GRID1: variants seen among roughly 807,000 people sequenced by gnomAD.
The protein encoded by GRID1 is glutamate ionotropic receptor delta type subunit 1.
Under a neutral mutation model 98.0 loss-of-function variants are expected in GRID1, and 28 were observed. That is an observed-to-expected ratio of 0.29 (90% CI 0.21 to 0.39). The LOEUF (loss-of-function observed/expected upper bound fraction) is 0.39. Among genes scored for constraint, GRID1 ranks in the 10% least tolerant of loss-of-function variants. The pLI, the probability that GRID1 is intolerant of heterozygous loss-of-function variation, is 1.00. For synonymous variants in GRID1, 553 were observed against 538.5 expected, an observed-to-expected ratio of 1.03 and a Z score of -0.37; for missense variants, 1,111 against 1,340.5, an observed-to-expected ratio of 0.83 and a Z score of 2.67.
intron 3 of GRID1, among the ~76,000 whole-genome samples, chr10:86,156,827 C>G (rs1439821601): frequency 2.0e-5 from 3 of 152,140 alleles, no homozygotes; most frequent in Non-Finnish European, 2.9e-5. Context: ...GAGGGATACC[C>G]TAAAGTTGTG....
chr10:85,708,540 A>ATCTTATTCTTTGTCACACC (rs1841549270), intron 12 of GRID1, among the ~76,000 whole-genome samples: 2 of 152,370 alleles, frequency 1.3e-5, no homozygotes, highest in South Asian at 4.1e-4. Context: ...TAGTAATCAA[A>ATCTTATTCTTTGTCACACC]AAGTGTCACA....
chr10:85,858,028 G>A (rs567141716), intron 6 of GRID1, among the ~76,000 whole-genome samples: 15 of 152,312 alleles, frequency 9.8e-5, no homozygotes, highest in South Asian at 8.3e-4. Context: ...CATCTGCCCC[G>A]TCATGCCTGT....
At chr10:86,320,697 A>G (rs1379502690) in intron 2 of GRID1, among the ~76,000 whole-genome samples, 8 of 152,242 alleles carry the variant, frequency 5.3e-5, no homozygotes, top group Admixed American at 5.2e-4. Context: ...ACATTTTAAC[A>G]AACACACACA....
rs542190703 is a variant in GRID1, at chr10:86,249,465, T to C, written c.236-42817A>G. Among the ~76,000 whole-genome samples the C allele has an allele frequency of 9.1e-4, 139 of 152,332 alleles. 1 individual carries two copies. The highest frequency in any genetic ancestry group is 1.1e-3 in the Non-Finnish European group (77 of 68,032). On this transcript the variant is annotated intron_variant, in intron 2 of 15. Coordinates refer to ENST00000327946, the MANE Select transcript of GRID1 (RefSeq NM_017551.3). ...CAAATCTACTTGAACACAGACCTGA[T>C]TGTGCCCCTAGCTTGGCCCTCAGAC...
At chr10:85,717,642 T>C (rs1841654765) in intron 12 of GRID1, among the ~76,000 whole-genome samples, 1 of 152,160 alleles carries the variant, frequency 6.6e-6, no homozygotes, top group Non-Finnish European at 1.5e-5. Flanking sequence ...CCTCCAAATG[T>C]CATGTCCTCA....
intron 2 of GRID1, among the ~76,000 whole-genome samples, chr10:86,255,164 C>T (rs539230827): frequency 3.9e-5 from 6 of 152,194 alleles, no homozygotes; most frequent in Admixed American, 1.3e-4. Context: ...TTAAGAAGGG[C>T]GTGCAAAGAA....
At position 86,128,904 on chromosome 10, in the gene GRID1, C is replaced by T. The variant is rs117777205; in HGVS notation, c.726+9915G>A. 7.2e-5 allele frequency among the ~76,000 whole-genome samples: 11 copies of T among 152,284 alleles called. No homozygotes were observed. In the East Asian group the frequency reaches 2.1e-3, roughly 29 times the overall value. On this transcript the variant is annotated intron_variant, in intron 4 of 15. Coordinates refer to ENST00000327946, the MANE Select transcript of GRID1 (RefSeq NM_017551.3). ...GTGAGAAAGGAAAAAGGAAAGCCTACACCCCAAAATACCCTGTACTTAGAA... is the reference window on the plus strand; with the variant it reads ...GTGAGAAAGGAAAAAGGAAAGCCTATACCCCAAAATACCCTGTACTTAGAA...
Position 86,235,505 on chromosome 10 carries a change from C to T in GRID1, c.236-28857G>A, listed in dbSNP as rs984883261. 3.3e-5 allele frequency among the ~76,000 whole-genome samples: 5 copies of T among 152,222 alleles called. No individual in the cohort carries two copies. In the East Asian group the frequency reaches 9.6e-4, roughly 29 times the overall value. ...CCCACTATCCAGTTTTACAATATTT[C>T]CATACACCCCAAAGGTCCCCTCATG... is the stretch of plus-strand genomic sequence containing the variant. On this transcript the variant is annotated intron_variant, in intron 2 of 15. Coordinates refer to ENST00000327946, the MANE Select transcript of GRID1 (RefSeq NM_017551.3).
At chr10:86,110,036 G>A (rs1042282658) in intron 4 of GRID1, among the ~76,000 whole-genome samples, 1 of 147,916 alleles carries the variant, frequency 6.8e-6, no homozygotes, top group South Asian at 2.1e-4. Context: ...GCAGTGGAGT[G>A]ATCTTGGCTC....
rs953076977 is a variant in GRID1 at position 86,366,692 on chromosome 10, G to T, written c.-300C>A. Among the ~76,000 whole-genome samples the T allele has an allele frequency of 1.3e-5, 2 of 149,570 alleles. No individual in the cohort carries two copies. Among genetic ancestry groups the T allele is most frequent in the African/African-American group, 4.9e-5 (2 of 41,196 alleles). On this transcript the variant is annotated 5_prime_UTR_variant, in exon 1 of 16. Transcript: ENST00000327946. This position sits in a 1 kb window ranked among gnomAD's most constrained non-coding sequence, Gnocchi z 4.1. ...CGGCTGTGGCAGCGGCGCTTCCCGC[G>T]GCTAGAGCGGCTTCGGGGGAGGCTG...
chr10:85,956,790 T>C (rs754569742), intron 4 of GRID1, among the ~76,000 whole-genome samples: 1 of 152,238 alleles, frequency 6.6e-6, no homozygotes, highest in Non-Finnish European at 1.5e-5. Flanking sequence ...CACTGGGCTC[T>C]TTAGTGCAAG....
intron 4 of GRID1, among the ~76,000 whole-genome samples, chr10:86,124,904 G>A (rs937458805): frequency 6.6e-6 from 1 of 152,178 alleles, no homozygotes; most frequent in African/African-American, 2.4e-5. Context: ...GTGATATGGG[G>A]AACTGGGCAG....
intron 4 of GRID1, among the ~76,000 whole-genome samples, chr10:86,066,836 G>A (rs190790686): frequency 1.2e-4 from 19 of 152,268 alleles, no homozygotes; most frequent in Non-Finnish European, 2.4e-4. Flanking sequence ...GTGGCAATGG[G>A]CTTAGATGGC....
intron 2 of GRID1, among the ~76,000 whole-genome samples, chr10:86,293,889 C>T (rs1434770149): frequency 6.6e-6 from 1 of 152,096 alleles, no homozygotes; most frequent in Non-Finnish European, 1.5e-5. Flanking sequence ...GGAGCTAAGG[C>T]TCTAGTAAAA....
intron 2 of GRID1, among the ~76,000 whole-genome samples, chr10:86,326,650 G>A (rs1164095231): frequency 6.6e-6 from 1 of 152,206 alleles, no homozygotes; most frequent in African/African-American, 2.4e-5. Context: ...GAGTACTGTT[G>A]GACCAAGCAA....
At chr10:86,156,501 C>G (rs1845247821) in intron 3 of GRID1, among the ~76,000 whole-genome samples, 1 of 152,156 alleles carries the variant, frequency 6.6e-6, no homozygotes, top group Non-Finnish European at 1.5e-5. Flanking sequence ...ATGGGGGAAG[C>G]TGGGGTGAGG....
chr10:85,861,650 C>A (rs1213552228), intron 6 of GRID1, among the ~76,000 whole-genome samples: 2 of 152,198 alleles, frequency 1.3e-5, no homozygotes, highest in Non-Finnish European at 2.9e-5. Context: ...GCTGGCTCAG[C>A]CACGGGAGCC....
rs1017588424 is a variant in GRID1, at chr10:85,856,090, C to T, written c.1052G>A (p.Cys351Tyr). ...RKWHSMASLN[C>Y]IRKSTKPWNG... ...CCATGGCTTAGTGGATTTCCGTATG[C>T]AGTTGAGGCTCGCCATGCTATGCCA... The change falls in exon 7 of 16, where the codon TGC (cysteine) becomes TAC (tyrosine). Residue 351 changes from cysteine (C) to tyrosine (Y), a missense_variant. Around this residue, in one of 3 missense-constraint regions of GRID1, gnomAD observed 762 missense variants for 869.1 expected, o/e 0.88. Coordinates refer to ENST00000327946, the MANE Select transcript of GRID1 (RefSeq NM_017551.3). The T allele has an allele frequency of 2.5e-6, 4 of 1,614,052 alleles. No homozygotes were observed. The African/African-American group carries it at 4.0e-5, about 16-fold the overall frequency.
chr10:86,106,540 T>C (rs1844389686), intron 4 of GRID1, among the ~76,000 whole-genome samples: 1 of 141,148 alleles, frequency 7.1e-6, no homozygotes, highest in Non-Finnish European at 1.5e-5. Context: ...GATGGGAGAA[T>C]GGGCCTGCTT....
Sources: allele counts gnomAD v4.1 joint callset (sites outside exome capture counted in the v4.1 genomes callset), GRCh38; gene constraint gnomAD v4.1.1; regional missense constraint gnomAD v4.1.1; non-coding constraint Gnocchi (gnomAD v3.1); transcripts MANE v1.5; gene names NCBI Gene and HGNC (gene_info 2026-07-23, HGNC 2026-07-21).